Variants in PCDH9 observed in about 807,000 individuals in gnomAD.
PCDH9 encodes protocadherin 9, also known as protocadherin-9.
PCDH9 carries 24 observed loss-of-function variants against 70.6 expected under a neutral mutation model. The observed-to-expected ratio is 0.34, with a 90% CI of 0.25 to 0.48. PCDH9 has a LOEUF of 0.48. PCDH9 is among the 20% of genes least tolerant of loss of function. The probability of loss-of-function intolerance (pLI) is 0.99; values close to 1 mark genes in which losing one functional copy is unlikely to be tolerated. For missense variants in PCDH9, 1,281 were observed against 1,503.6 expected (o/e 0.85, Z 2.45); for synonymous variants, 562 against 558.5 (o/e 1.01, Z -0.09).
At chr13:66,607,734 CAG>C (rs1396778336) in intron 4 of PCDH9, among the ~76,000 whole-genome samples, 1 of 151,952 alleles carries the variant, frequency 6.6e-6, no homozygotes, top group African/African-American at 2.4e-5. Flanking sequence ...GAACACTGTG[CAG>C]AGTGTTGGCT....
chr13:66,408,612 T>C (rs1019319247), intron 4 of PCDH9, among the ~76,000 whole-genome samples: 5 of 152,218 alleles, frequency 3.3e-5, no homozygotes, highest in African/African-American at 1.2e-4. Context: ...TAGCTCCTTG[T>C]GAATGCCTAG....
At chr13:66,512,580 T>G (rs1456088300) in intron 4 of PCDH9, among the ~76,000 whole-genome samples, 1 of 152,112 alleles carries the variant, frequency 6.6e-6, no homozygotes, top group Admixed American at 6.6e-5. Context: ...GTCAGAGCTT[T>G]GCTGTGAAAG....
chr13:66,849,506 AT>A (rs2081275003), intron 3 of PCDH9, among the ~76,000 whole-genome samples: 3 of 107,572 alleles, frequency 2.8e-5, no homozygotes, highest in Non-Finnish European at 5.9e-5. Context: ...ATATATATAT[AT>A]ATATATATAT....
At chr13:66,632,907 T>C (rs1290148101) in intron 3 of PCDH9, among the ~76,000 whole-genome samples, 1 of 152,088 alleles carries the variant, frequency 6.6e-6, no homozygotes, top group African/African-American at 2.4e-5. Context: ...ATATAATCAT[T>C]TTCTAGTACC....
At chr13:66,517,520 G>T (rs1959794496) in intron 4 of PCDH9, among the ~76,000 whole-genome samples, 1 of 152,108 alleles carries the variant, frequency 6.6e-6, no homozygotes, top group Admixed American at 6.6e-5. Context: ...TTGCTATCAG[G>T]GACAATATCC....
At chr13:66,835,464 C>T (rs907389035) in intron 3 of PCDH9, among the ~76,000 whole-genome samples, 1 of 152,170 alleles carries the variant, frequency 6.6e-6, no homozygotes, top group Non-Finnish European at 1.5e-5. Flanking sequence ...AAAGTCACGA[C>T]ATTTGTATTT....
At chr13:66,879,975 A>T (rs527264982) in intron 3 of PCDH9, 1 of 152,332 alleles carries the variant, frequency 6.6e-6, no homozygotes, top group South Asian at 2.1e-4. Flanking sequence ...AATGCAAACA[A>T]ATCCTGGAAC....
At chr13:66,807,972 G>C (rs2080437643) in intron 3 of PCDH9, among the ~76,000 whole-genome samples, 4 of 152,064 alleles carry the variant, frequency 2.6e-5, no homozygotes, top group Admixed American at 2.6e-4. Flanking sequence ...GAGTGTTATG[G>C]GGGTAGATGG....
intron 3 of PCDH9, among the ~76,000 whole-genome samples, chr13:66,848,531 A>G (rs2139446705): frequency 6.6e-6 from 1 of 152,324 alleles, no homozygotes; most frequent in East Asian, 1.9e-4. Context: ...CTCTGTCACT[A>G]ATGGCTAAAT....
At chr13:66,730,828 G>A (rs1173439053) in intron 3 of PCDH9, among the ~76,000 whole-genome samples, 2 of 147,358 alleles carry the variant, frequency 1.4e-5, no homozygotes, top group African/African-American at 2.5e-5. Flanking sequence ...AAAGGAACTT[G>A]CTATCATGCC....
chr13:66,407,689 A>G (rs1957302994), intron 4 of PCDH9, among the ~76,000 whole-genome samples: 1 of 152,206 alleles, frequency 6.6e-6, no homozygotes, highest in South Asian at 2.1e-4. Flanking sequence ...AATTACCACT[A>G]ATTTTTAACA....
chr13:67,185,297 A>G (rs1015408458), intron 2 of PCDH9, among the ~76,000 whole-genome samples: 1 of 152,204 alleles, frequency 6.6e-6, no homozygotes, highest in Non-Finnish European at 1.5e-5. Flanking sequence ...AATAGTAGTT[A>G]AAAATCATCA....
chr13:66,713,621 G>A (rs1283287181), intron 3 of PCDH9, among the ~76,000 whole-genome samples: 2 of 16,886 alleles, frequency 1.2e-4, no homozygotes, highest in African/African-American at 2.5e-4. Flanking sequence ...AAGTGTGTGT[G>A]TGTGTATATA....
At chr13:66,502,776 G>A (rs751728414) in intron 4 of PCDH9, among the ~76,000 whole-genome samples, 26 of 152,038 alleles carry the variant, frequency 1.7e-4, no homozygotes, top group Non-Finnish European at 3.4e-4. Context: ...TATTTGTTTC[G>A]TCAATTAGGA....
Position 66,992,673 on chromosome 13 carries a change from G to A in PCDH9, c.3037-89068C>T, listed in dbSNP as rs957922851. Among the ~76,000 whole-genome samples the A allele has an allele frequency of 3.3e-5, 5 of 152,138 alleles. No individual in the cohort carries two copies. In the East Asian group the frequency reaches 5.8e-4, roughly 18 times the overall value. On this transcript the variant is annotated intron_variant, in intron 2 of 4. Coordinates refer to ENST00000377865, the MANE Select transcript of PCDH9 (RefSeq NM_203487.3). ...ATAGGCTAATTGATTACTTATTTCA[G>A]GCATAAAGCCCTGAACAAGTTTGAA...
chr13:66,585,363 C>T (rs967487996), intron 4 of PCDH9, among the ~76,000 whole-genome samples: 1 of 151,940 alleles, frequency 6.6e-6, no homozygotes, highest in Non-Finnish European at 1.5e-5. Flanking sequence ...ACCATCCCCC[C>T]CAAAAAATCT....
At chr13:66,580,313 A>AGGCCTAGGATCTAGTTTGAGGC (rs2076873096) in intron 4 of PCDH9, among the ~76,000 whole-genome samples, 1 of 151,944 alleles carries the variant, frequency 6.6e-6, no homozygotes, top group African/African-American at 2.4e-5. Flanking sequence ...TTATTTTCTT[A>AGGCCTAGGATCTAGTTTGAGGC]CTAGGTTGTT....
chr13:66,569,924 A>G (rs553710622), intron 4 of PCDH9, among the ~76,000 whole-genome samples: 1 of 152,304 alleles, frequency 6.6e-6, no homozygotes, highest in Non-Finnish European at 1.5e-5. Flanking sequence ...TTATCCAAGA[A>G]ATAAAAATTT....
At chr13:66,471,425 G>GA (rs1958617207) in intron 4 of PCDH9, among the ~76,000 whole-genome samples, 2 of 152,166 alleles carry the variant, frequency 1.3e-5, no homozygotes, top group South Asian at 2.1e-4. Context: ...AAAGGAATCT[G>GA]AAAAAATAAA....
Sources: allele counts gnomAD v4.1 joint callset (sites outside exome capture counted in the v4.1 genomes callset), GRCh38; gene constraint gnomAD v4.1.1; transcripts MANE v1.5; gene names NCBI Gene and HGNC (gene_info 2026-07-23, HGNC 2026-07-21).